The following CNTNAP2 variants were observed in gnomAD, a reference collection of about 807,000 sequenced individuals.
CNTNAP2 encodes contactin associated protein 2, also known as contactin-associated protein-like 2.
In CNTNAP2, 98 loss-of-function variants were observed where a neutral mutation model predicts 155.2. That is an observed-to-expected ratio of 0.63 (90% CI 0.54 to 0.75). CNTNAP2 has a LOEUF of 0.75. CNTNAP2 is among the 30% of genes least tolerant of loss of function. The pLI, the probability that CNTNAP2 is intolerant of heterozygous loss-of-function variation, is 0.00. For missense variants in CNTNAP2, 1,727 were observed against 1,688.1 expected (o/e 1.02, Z -0.40); for synonymous variants, 651 against 631.2 (o/e 1.03, Z -0.47).
chr7:148,035,564 C>T (rs1352549599), intron 15 of CNTNAP2, among the ~76,000 whole-genome samples: 3 of 152,120 alleles, frequency 2.0e-5, no homozygotes, highest in Non-Finnish European at 4.4e-5. Flanking sequence ...ATTTTGTAGG[C>T]ACACAAAGTA....
At chr7:148,289,490 T>G (rs959406520) in intron 21 of CNTNAP2, among the ~76,000 whole-genome samples, 1 of 151,102 alleles carries the variant, frequency 6.6e-6, no homozygotes, top group Non-Finnish European at 1.5e-5. Context: ...GTATGACCAA[T>G]AAACACCAAC....
In CNTNAP2 at chr7:146,969,103, C is replaced by T. The variant is rs1461251162; in HGVS notation, c.403-74804C>T. 5.3e-5 allele frequency among the ~76,000 whole-genome samples: 8 copies of T among 150,628 alleles called. No individual in the cohort carries two copies. The South Asian group carries it at 1.7e-3, about 32-fold the overall frequency. The stretch of plus-strand genomic sequence containing the variant: ...CATTCAGGAGCAGGTTGTTCAGTTT[C>T]CATGTAGTTGAGCGGTTTTGAGTGA... On this transcript the variant is annotated intron_variant, in intron 3 of 23. Transcript: ENST00000361727.
chr7:146,455,730 C>T (rs1796545577), intron 1 of CNTNAP2, among the ~76,000 whole-genome samples: 2 of 152,152 alleles, frequency 1.3e-5, no homozygotes, highest in South Asian at 4.2e-4. Context: ...TTTTCCTGGG[C>T]ATAAAGAAAA....
chr7:147,893,401 T>C (rs912901570), intron 13 of CNTNAP2, among the ~76,000 whole-genome samples: 4 of 152,280 alleles, frequency 2.6e-5, no homozygotes, highest in African/African-American at 9.6e-5. Context: ...CCTCTTTGTA[T>C]CTTACCAAGC....
At chr7:146,462,388 A>G (rs1468696181) in intron 1 of CNTNAP2, among the ~76,000 whole-genome samples, 1 of 152,186 alleles carries the variant, frequency 6.6e-6, no homozygotes, top group East Asian at 1.9e-4. Context: ...TAAAGAAAAC[A>G]GATGATCCTC....
intron 14 of CNTNAP2, among the ~76,000 whole-genome samples, chr7:147,963,349 G>A (rs1440964712): frequency 6.6e-6 from 1 of 152,144 alleles, no homozygotes; most frequent in Non-Finnish European, 1.5e-5. Context: ...GGGAAATACA[G>A]TTCTGTTATC....
chr7:146,653,427 G>T (rs1171281641), intron 1 of CNTNAP2, among the ~76,000 whole-genome samples: 2 of 152,082 alleles, frequency 1.3e-5, no homozygotes, highest in African/African-American at 2.4e-5. Flanking sequence ...GAGCTTCTCG[G>T]CTAGACTGTG....
At chr7:147,880,592 T>C (rs1302077548) in intron 13 of CNTNAP2, among the ~76,000 whole-genome samples, 23 of 129,446 alleles carry the variant, frequency 1.8e-4, no homozygotes, top group Non-Finnish European at 3.2e-4. Context: ...GCCAACTTTT[T>C]CATTGTTTGA....
Position 148,365,934 on chromosome 7 carries a change from A to G in CNTNAP2, c.3476-17715A>G, listed in dbSNP as rs1437829358. 5.8e-4 allele frequency among the ~76,000 whole-genome samples: 2 copies of G among 3,436 alleles called. 1 individual carries two copies. Among genetic ancestry groups the G allele is most frequent in the African/African-American group, 8.5e-4 (2 of 2,348 alleles). 2.3% of individuals were successfully genotyped at this position (3,436 alleles called of 152,430 possible). On this transcript the variant is annotated intron_variant, in intron 21 of 23. Transcript: ENST00000361727. Reference sequence around the variant, plus strand: ...CGTGTATGCATGTATACATGCGTGTATGCATGTATACATGCGTGTATGCAT... The same window carrying G: ...CGTGTATGCATGTATACATGCGTGTGTGCATGTATACATGCGTGTATGCAT...
intron 8 of CNTNAP2, among the ~76,000 whole-genome samples, chr7:147,218,310 A>C (rs143620787): frequency 6.6e-6 from 1 of 151,844 alleles, no homozygotes; most frequent in African/African-American, 2.4e-5. Flanking sequence ...TTTTTACTAC[A>C]TCCAACAAAT....
At chr7:148,113,711 C>G (rs1266541149) in intron 15 of CNTNAP2, among the ~76,000 whole-genome samples, 1 of 152,212 alleles carries the variant, frequency 6.6e-6, no homozygotes, top group Non-Finnish European at 1.5e-5. Flanking sequence ...GTTCCTCTTG[C>G]CACACGTGAT....
intron 15 of CNTNAP2, among the ~76,000 whole-genome samples, chr7:148,054,893 T>C (rs1802979227): frequency 6.6e-6 from 1 of 151,250 alleles, no homozygotes; most frequent in South Asian, 2.1e-4. Flanking sequence ...TTTTTTTTTT[T>C]TTTTTCTGAG....
At chr7:146,561,676 A>G (rs2129144441) in intron 1 of CNTNAP2, among the ~76,000 whole-genome samples, 1 of 151,926 alleles carries the variant, frequency 6.6e-6, no homozygotes, top group Non-Finnish European at 1.5e-5. Flanking sequence ...AAATGAAGAA[A>G]CTCCACAAAA....
At chr7:146,192,172 C>T (rs1328063032) in intron 1 of CNTNAP2, among the ~76,000 whole-genome samples, 8 of 152,248 alleles carry the variant, frequency 5.3e-5, no homozygotes, top group East Asian at 3.9e-4. Context: ...TCCCTCCGTT[C>T]GGGGTCCCTG....
intron 21 of CNTNAP2, among the ~76,000 whole-genome samples, chr7:148,292,178 A>G (rs1044577909): frequency 1.3e-5 from 2 of 152,194 alleles, no homozygotes; most frequent in Non-Finnish European, 2.9e-5. Flanking sequence ...TCCAAATTCT[A>G]TGTATAAGAG....
chr7:146,635,888 C>T lies in CNTNAP2; in HGVS notation c.98-138383C>T, dbSNP rs149275741. On this transcript the variant is annotated intron_variant, in intron 1 of 23. Transcript: ENST00000361727. ...TACTCTGCTAAGAGCACCGAAATGC[C>T]TGTCTCTAGCCAGGAGTCAATAAAT... is the stretch of plus-strand genomic sequence containing the variant. 2.0e-5 allele frequency among the ~76,000 whole-genome samples: 3 copies of T among 152,134 alleles called. No homozygotes were observed. In the East Asian group the frequency reaches 5.8e-4, roughly 29 times the overall value.
intron 1 of CNTNAP2, among the ~76,000 whole-genome samples, chr7:146,618,398 T>C (rs1799262758): frequency 6.6e-6 from 1 of 152,190 alleles, no homozygotes; most frequent in Non-Finnish European, 1.5e-5. Context: ...TTAATGAAAT[T>C]AGCGATTACA....
intron 18 of CNTNAP2, among the ~76,000 whole-genome samples, chr7:148,200,888 T>C (rs1228486511): frequency 6.6e-6 from 1 of 152,202 alleles, no homozygotes; most frequent in African/African-American, 2.4e-5. Context: ...CATGGTGTTG[T>C]GAGACTAAAT....
chr7:147,487,680 C>A (rs1798534134), intron 11 of CNTNAP2, among the ~76,000 whole-genome samples: 1 of 145,724 alleles, frequency 6.9e-6, no homozygotes, highest in Admixed American at 7.1e-5. Flanking sequence ...CTGTTTCCAT[C>A]CTTAAAATAC....
Sources: allele counts gnomAD v4.1 joint callset (sites outside exome capture counted in the v4.1 genomes callset), GRCh38; gene constraint gnomAD v4.1.1; transcripts MANE v1.5; gene names NCBI Gene and HGNC (gene_info 2026-07-23, HGNC 2026-07-21).